The following XRCC5 variants were observed in gnomAD, a reference collection of about 807,000 sequenced individuals.
XRCC5 encodes the protein DNA repair protein Ku80.
Under a neutral mutation model 95.7 loss-of-function variants are expected in XRCC5, and 12 were observed. The ratio of observed to expected loss-of-function variants is 0.13; its 90% CI spans 0.08 to 0.20. XRCC5 has a LOEUF of 0.20. Among genes scored for constraint, XRCC5 ranks in the 10% least tolerant of loss-of-function variants. The pLI is 1.00. For missense variants in XRCC5, 595 were observed against 873.9 expected (o/e 0.68, Z 4.02); for synonymous variants, 281 against 290.3 (o/e 0.97, Z 0.33).
intron 10 of XRCC5, among the ~76,000 whole-genome samples, chr2:216,134,276 A>G (rs1028707973): frequency 6.6e-6 from 1 of 152,224 alleles, no homozygotes; most frequent in African/African-American, 2.4e-5. Context: ...TTGAGAATCT[A>G]TACTTTCATG....
intron 14 of XRCC5, among the ~76,000 whole-genome samples, chr2:216,150,763 C>T (rs1402989651): frequency 6.6e-6 from 1 of 152,048 alleles, no homozygotes; most frequent in Non-Finnish European, 1.5e-5. Flanking sequence ...GTGGTGTGTG[C>T]CTATAGTCCC....
intron 14 of XRCC5, among the ~76,000 whole-genome samples, chr2:216,153,827 TA>T (rs888862189): frequency 2.6e-5 from 4 of 152,218 alleles, no homozygotes; most frequent in African/African-American, 9.6e-5. Context: ...CAAAAACTAC[TA>T]AATACCTATC....
Position 216,165,965 on chromosome 2 carries a change from A to G in XRCC5, c.1834+3917A>G, listed in dbSNP as rs139827231. Among the ~76,000 whole-genome samples the G allele has an allele frequency of 4.6e-5, 7 of 152,234 alleles. No homozygotes were observed. In the East Asian group the frequency reaches 1.4e-3, roughly 29 times the overall value. On this transcript the variant is annotated intron_variant, in intron 16 of 20. Coordinates refer to ENST00000392132, the MANE Select transcript of XRCC5 (RefSeq NM_021141.4). ...TTCTGGTTTTCAGTGTGAGGGATGTATCTTGTTCTAAGCTTACTGGCAGAG... is the reference window on the plus strand; with the variant it reads ...TTCTGGTTTTCAGTGTGAGGGATGTGTCTTGTTCTAAGCTTACTGGCAGAG...
chr2:216,112,339 C>T (rs111879113), intron 1 of XRCC5, among the ~76,000 whole-genome samples: 11 of 152,348 alleles, frequency 7.2e-5, no homozygotes, highest in African/African-American at 2.2e-4. Context: ...GCCCCTTCAC[C>T]GCTCTGGTAT....
intron 6 of XRCC5, among the ~76,000 whole-genome samples, chr2:216,124,969 C>T (rs749292710): frequency 6.6e-6 from 1 of 152,160 alleles, no homozygotes; most frequent in Admixed American, 6.5e-5. Context: ...GCTTTTCCCA[C>T]CAGTAAGAAA....
intron 19 of XRCC5, among the ~76,000 whole-genome samples, chr2:216,201,010 T>C (rs550873832): frequency 2.0e-5 from 3 of 152,330 alleles, no homozygotes; most frequent in Admixed American, 6.5e-5. Flanking sequence ...TTTCATACTT[T>C]AGTTTATCTG....
chr2:216,195,648 A>G (rs915039604), intron 19 of XRCC5, among the ~76,000 whole-genome samples: 2 of 152,254 alleles, frequency 1.3e-5, no homozygotes, highest in African/African-American at 4.8e-5. Flanking sequence ...ATTCACACAC[A>G]TTGTTAGGCC....
chr2:216,192,032 CTT>C (rs1328267910), intron 17 of XRCC5, among the ~76,000 whole-genome samples: 3 of 152,062 alleles, frequency 2.0e-5, no homozygotes, highest in African/African-American at 4.8e-5. Flanking sequence ...GAGTTTTACT[CTT>C]GTTTCCCAGG....
At chr2:216,117,595 T>C (rs1401417725) in intron 3 of XRCC5, 151 bp from the exon 4 acceptor site, 1 of 644,322 alleles carries the variant, frequency 1.6e-6, no homozygotes, top group African/African-American at 1.8e-5. Context: ...TATATGTTAG[T>C]GAACTTTGGA....
chr2:216,125,493 G>T (rs1054326583), intron 6 of XRCC5, among the ~76,000 whole-genome samples: 2 of 152,164 alleles, frequency 1.3e-5, no homozygotes, highest in African/African-American at 2.4e-5. Flanking sequence ...CACTATGCCG[G>T]CCCTGAGCAG....
chr2:216,205,151 C>T (rs1689919450), intron 20 of XRCC5, 37 bp from the exon 21 acceptor site: 1 of 1,613,544 alleles, frequency 6.2e-7, no homozygotes, highest in Non-Finnish European at 8.5e-7. Flanking sequence ...ATGAAATTGG[C>T]CTGATTCCTT....
At chr2:216,120,207 G>A (rs1696780174) in intron 5 of XRCC5, among the ~76,000 whole-genome samples, 1 of 152,180 alleles carries the variant, frequency 6.6e-6, no homozygotes, top group African/African-American at 2.4e-5. Flanking sequence ...ACTTCTTACT[G>A]AGTTGAGGTT....
At chr2:216,185,527 T>C (rs1290887547) in intron 16 of XRCC5, among the ~76,000 whole-genome samples, 3 of 152,248 alleles carry the variant, frequency 2.0e-5, no homozygotes, top group African/African-American at 7.2e-5. Context: ...TATTTGCTGA[T>C]GGGCATTACT....
intron 16 of XRCC5, chr2:216,175,470 A>T: frequency 2.0e-6 from 1 of 508,380 alleles, no homozygotes; most frequent in East Asian, 5.5e-5. Flanking sequence ...GTGCTTGTTA[A>T]TAGTGTGGTG....
chr2:216,163,087 A>C (rs995574901), intron 16 of XRCC5, among the ~76,000 whole-genome samples: 2 of 151,810 alleles, frequency 1.3e-5, no homozygotes, highest in Non-Finnish European at 2.9e-5. Context: ...ATGTTTGTTC[A>C]TGTGTGTATA....
intron 16 of XRCC5, among the ~76,000 whole-genome samples, chr2:216,174,164 T>G (rs925125741): frequency 1.1e-4 from 16 of 152,206 alleles, no homozygotes; most frequent in Non-Finnish European, 2.2e-4. Context: ...TGTTTTGTTT[T>G]GTTTTTTGAA....
Position 216,205,393 on chromosome 2 carries a change from A to T in XRCC5, c.*191A>T. The T allele has an allele frequency of 1.6e-6, 1 of 615,904 alleles. No individual in the cohort carries two copies. The highest frequency in any genetic ancestry group is 2.2e-5 in the South Asian group (1 of 45,936). 38.2% of individuals were successfully genotyped at this position (615,904 alleles called of 1,614,324 possible). ...ATATATATTACAAGGGATAATTTAGACCCCATACAAGTTTATAAAGAGTCA... is the reference window on the plus strand; with the variant it reads ...ATATATATTACAAGGGATAATTTAGTCCCCATACAAGTTTATAAAGAGTCA... On this transcript the variant is annotated 3_prime_UTR_variant, in exon 21 of 21. Coordinates refer to ENST00000392132, the MANE Select transcript of XRCC5 (RefSeq NM_021141.4).
At chr2:216,112,287 TAAGACTC>T (rs1696602748) in intron 1 of XRCC5, among the ~76,000 whole-genome samples, 2 of 152,222 alleles carry the variant, frequency 1.3e-5, no homozygotes, top group Non-Finnish European at 2.9e-5. Flanking sequence ...TCCTACTCAT[TAAGACTC>T]ACCCAAGGAA....
intron 4 of XRCC5, among the ~76,000 whole-genome samples, chr2:216,118,575 A>G (rs1049671212): frequency 3.3e-5 from 5 of 152,196 alleles, no homozygotes; most frequent in Non-Finnish European, 5.9e-5. Flanking sequence ...TGTCAGGAAA[A>G]TCATTTGCAC....
Sources: gnomAD v4.1 joint callset for allele counts (sites outside exome capture counted in the v4.1 genomes callset) on GRCh38, gnomAD v4.1.1 for gene constraint, MANE v1.5 for transcripts, NCBI Gene and HGNC (gene_info 2026-07-23, HGNC 2026-07-21) for gene names.